Variants in FHIT observed in about 807,000 individuals in gnomAD.
FHIT encodes bis(5'-adenosyl)-triphosphatase.
In FHIT, 19 loss-of-function variants were observed where a neutral mutation model predicts 17.9. The observed-to-expected ratio is 1.06, with a 90% CI of 0.74 to 1.56. The LOEUF (loss-of-function observed/expected upper bound fraction) is 1.56. FHIT is among the 40% of genes most tolerant of loss of function. The pLI is 0.00. For synonymous variants in FHIT, 81 were observed against 69.7 expected (o/e 1.16, Z -0.81); for missense variants, 248 against 189.2 (o/e 1.31, Z -1.82).
chr3:60,842,841 G>A lies in FHIT; in HGVS notation c.-110-20830C>T, dbSNP rs1702788290. On this transcript the variant is annotated intron_variant, in intron 3 of 9. Coordinates refer to ENST00000492590, the MANE Select transcript of FHIT (RefSeq NM_002012.4). ...GGAGCAGAGGATCACCCGTACTACT[G>A]TGCTATCCATCCCAGCTGGGAAGAC... 2.0e-5 allele frequency among the ~76,000 whole-genome samples: 3 copies of A among 151,784 alleles called. No homozygotes were observed. The South Asian group carries it at 6.2e-4, about 32-fold the overall frequency.
intron 5 of FHIT, among the ~76,000 whole-genome samples, chr3:60,081,360 G>A (rs2736781): frequency 0.66 from 99,835 of 151,816 alleles, 33,937 homozygotes; most frequent in East Asian, 0.81. Context: ...GTATAAATGG[G>A]TGTCTTCAAA....
intron 5 of FHIT, among the ~76,000 whole-genome samples, chr3:60,053,945 C>T (rs1701984246): frequency 6.6e-6 from 1 of 152,172 alleles, no homozygotes; most frequent in Non-Finnish European, 1.5e-5. Flanking sequence ...CACAACCCTA[C>T]TCAGAGTATG....
chr3:59,839,174 AG>A (rs1701441990), intron 8 of FHIT, among the ~76,000 whole-genome samples: 1 of 151,836 alleles, frequency 6.6e-6, no homozygotes, highest in African/African-American at 2.4e-5. Flanking sequence ...AAAAAATAGC[AG>A]GGCGTGGTGG....
intron 5 of FHIT, among the ~76,000 whole-genome samples, chr3:60,523,560 G>A (rs907136032): frequency 2.6e-5 from 4 of 152,174 alleles, no homozygotes; most frequent in Non-Finnish European, 5.9e-5. Context: ...GGGAAGCCAA[G>A]ATGATAAAGC....
chr3:60,207,169 C>CGT (rs144972526), intron 5 of FHIT, among the ~76,000 whole-genome samples: 29,662 of 149,572 alleles, frequency 0.2, 3,150 homozygotes, highest in Middle Eastern at 0.27. Context: ...TGTCAGTGTG[C>CGT]GTGTGTGTGT....
chr3:61,042,393 A>G (rs1052771371), intron 2 of FHIT, among the ~76,000 whole-genome samples: 2 of 152,214 alleles, frequency 1.3e-5, no homozygotes, highest in Admixed American at 6.5e-5. Flanking sequence ...CAAAGATGAA[A>G]TCATAAGCAG....
intron 4 of FHIT, among the ~76,000 whole-genome samples, chr3:60,761,803 C>T (rs1699668249): frequency 6.6e-6 from 1 of 151,988 alleles, no homozygotes; most frequent in South Asian, 2.1e-4. Context: ...TATAATATAC[C>T]AGCTATCCGA....
intron 5 of FHIT, among the ~76,000 whole-genome samples, chr3:60,490,950 T>C (rs1316643930): frequency 6.6e-6 from 1 of 152,156 alleles, no homozygotes; most frequent in East Asian, 1.9e-4. Context: ...GTGCTACCTT[T>C]CCTCTACCTC....
At chr3:60,636,883 C>T (rs138865088) in intron 4 of FHIT, among the ~76,000 whole-genome samples, 142 of 152,262 alleles carry the variant, frequency 9.3e-4, no homozygotes, top group African/African-American at 3.4e-3. Context: ...ACAGAGAAAG[C>T]CAAGTGGCTT....
intron 5 of FHIT, among the ~76,000 whole-genome samples, chr3:60,327,565 A>C (rs1380709001): frequency 6.6e-6 from 1 of 152,232 alleles, no homozygotes; most frequent in African/African-American, 2.4e-5. Flanking sequence ...CATGTCTTGC[A>C]TATGGTGTGT....
chr3:60,657,173 T>C (rs1353733265), intron 4 of FHIT, among the ~76,000 whole-genome samples: 1 of 152,124 alleles, frequency 6.6e-6, no homozygotes, highest in Non-Finnish European at 1.5e-5. Context: ...GCTATAATAA[T>C]TAGAAAGAGA....
chr3:61,029,165 G>A (rs2107663234), intron 3 of FHIT, among the ~76,000 whole-genome samples: 1 of 152,204 alleles, frequency 6.6e-6, no homozygotes, highest in South Asian at 2.1e-4. Context: ...GAGCCTATAA[G>A]GGAATGATAA....
chr3:60,917,363 G>T (rs1314118419), intron 3 of FHIT, among the ~76,000 whole-genome samples: 1 of 152,160 alleles, frequency 6.6e-6, no homozygotes, highest in African/African-American at 2.4e-5. Flanking sequence ...CTGGCCACCT[G>T]CCTCTCTTCT....
chr3:59,787,753 C>T (rs1270754001), intron 8 of FHIT, among the ~76,000 whole-genome samples: 1 of 152,150 alleles, frequency 6.6e-6, no homozygotes, highest in East Asian at 1.9e-4. Flanking sequence ...TACTATTAGT[C>T]CCATTGGACA....
At chr3:59,844,225 G>T (rs896740195) in intron 8 of FHIT, among the ~76,000 whole-genome samples, 1 of 152,078 alleles carries the variant, frequency 6.6e-6, no homozygotes, top group East Asian at 1.9e-4. Flanking sequence ...TGGAAGAATA[G>T]CCTAATACAA....
At chr3:60,275,928 G>T (rs1356631016) in intron 5 of FHIT, among the ~76,000 whole-genome samples, 2 of 151,768 alleles carry the variant, frequency 1.3e-5, no homozygotes, top group Admixed American at 6.6e-5. Context: ...AGCAATTATT[G>T]CTCTCCTTCA....
intron 7 of FHIT, among the ~76,000 whole-genome samples, chr3:59,987,448 A>G (rs1709036503): frequency 6.6e-6 from 1 of 151,982 alleles, no homozygotes; most frequent in Non-Finnish European, 1.5e-5. Flanking sequence ...ACTTGAAATC[A>G]CATTCACAAT....
rs1274772573 is a variant in FHIT, at chr3:61,227,000, A to C, written c.-213+24301T>G. Among the ~76,000 whole-genome samples the C allele has an allele frequency of 4.6e-5, 7 of 152,228 alleles. 1 individual carries two copies. The highest frequency in any genetic ancestry group is 1.5e-5 in the Non-Finnish European group (1 of 68,044). The stretch of plus-strand genomic sequence containing the variant: ...GAAGCCTGAAAAAAAACGAAGTAGA[A>C]GGTACTAAAAGAGCTTACAATATAA... On this transcript the variant is annotated intron_variant, in intron 1 of 9. Coordinates refer to ENST00000492590, the MANE Select transcript of FHIT (RefSeq NM_002012.4).
At chr3:60,732,684 C>CGTTTTTTT (rs2042055585) in intron 4 of FHIT, 1 of 166,694 alleles carries the variant, frequency 6.0e-6, no homozygotes, top group Non-Finnish European at 1.1e-5. Context: ...GCAAAGACTG[C>CGTTTTTTT]TTTTTTTTTT....
Sources: gnomAD v4.1 joint callset for allele counts (sites outside exome capture counted in the v4.1 genomes callset) on GRCh38, gnomAD v4.1.1 for gene constraint, MANE v1.5 for transcripts, NCBI Gene and HGNC (gene_info 2026-07-23, HGNC 2026-07-21) for gene names.